ZNF444: variants seen among roughly 807,000 people sequenced by gnomAD.
ZNF444 encodes the protein endothelial zinc finger protein 2.
Under a neutral mutation model 14.4 loss-of-function variants are expected in ZNF444, and 8 were observed. The ratio of observed to expected loss-of-function variants is 0.56; its 90% CI spans 0.33 to 1.00. The LOEUF (loss-of-function observed/expected upper bound fraction) is 1.00, where lower values mean the gene tolerates loss of function less well. Ranked by LOEUF, ZNF444 falls within the 50% of genes least tolerant of loss-of-function variation. ZNF444 has a pLI of 0.03. For synonymous variants in ZNF444, 258 were observed against 235.9 expected (o/e 1.09, Z -0.86); for missense variants, 510 against 504.8 (o/e 1.01, Z -0.10).
chr19:56,133,166 GACCTC>G (rs1306719351), intron 1 of ZNF444, among the ~76,000 whole-genome samples: 2 of 151,690 alleles, frequency 1.3e-5, no homozygotes, highest in African/African-American at 4.8e-5. Flanking sequence ...TCAAACTCCT[GACCTC>G]AGGTGATCCA....
intron 1 of ZNF444, chr19:56,143,438 T>C (rs756211675): frequency 2.0e-5 from 3 of 152,244 alleles, no homozygotes; most frequent in Non-Finnish European, 4.4e-5. Flanking sequence ...TTTTGAGACT[T>C]GGATCTGGCC....
upstream of ZNF444, among the ~76,000 whole-genome samples, chr19:56,140,551 G>A (rs1784111366): frequency 1.3e-5 from 2 of 152,148 alleles, no homozygotes; most frequent in South Asian, 4.1e-4. Context: ...CACACAGGAA[G>A]AGCCAAACCG....
At chr19:56,152,032 C>A (rs1465428987) in intron 3 of ZNF444, among the ~76,000 whole-genome samples, 1 of 151,974 alleles carries the variant, frequency 6.6e-6, no homozygotes, top group Non-Finnish European at 1.5e-5. Context: ...CACCTGGAAA[C>A]TTTTAAAAAA....
chr19:56,150,750 G>A (rs927853447), intron 3 of ZNF444, among the ~76,000 whole-genome samples: 46 of 151,908 alleles, frequency 3.0e-4, no homozygotes, highest in Middle Eastern at 3.2e-3. Flanking sequence ...GGGCGCTGCT[G>A]TGGATTGGGG....
At chr19:56,152,268 A>T (rs529260171) in intron 3 of ZNF444, among the ~76,000 whole-genome samples, 1 of 150,506 alleles carries the variant, frequency 6.6e-6, no homozygotes, top group Admixed American at 6.7e-5. Flanking sequence ...GGAGCTGGAG[A>T]TTGCAGTGAA....
chr19:56,134,070 T>C (rs2123450472), intron 1 of ZNF444, among the ~76,000 whole-genome samples: 1 of 152,088 alleles, frequency 6.6e-6, no homozygotes, highest in South Asian at 2.1e-4. Context: ...GTTCTTCCCC[T>C]TTCTGCTGGT....
chr19:56,160,218 G>T lies in ZNF444; in HGVS notation c.*17G>T, dbSNP rs538483363. 2 of 1,419,140 alleles carry T rather than the reference G, an allele frequency of 1.4e-6. No individual in the cohort carries two copies. Among genetic ancestry groups the T allele is most frequent in the African/African-American group, 1.5e-5 (1 of 66,148 alleles). The allele number at this position is 1,419,140 out of a possible 1,614,324, so 87.9% of individuals were successfully genotyped here. The stretch of plus-strand genomic sequence containing the variant: ...TTGGGTTAGCCGCCTCCCGGCCAGC[G>T]CCATCTCCCGCCCTTGGTGCTGCCC... On this transcript the variant is annotated 3_prime_UTR_variant, in exon 5 of 5. Coordinates refer to ENST00000337080, the MANE Select transcript of ZNF444 (RefSeq NM_018337.4).
chr19:56,132,946 T>TTTTTTC (rs1276546112), intron 1 of ZNF444, among the ~76,000 whole-genome samples: 5 of 130,208 alleles, frequency 3.8e-5, no homozygotes, highest in African/African-American at 1.4e-4. Context: ...TTTTTTTTTT[T>TTTTTTC]TTTTTTTTTG....
chr19:56,135,589 C>T (rs1044666642), intron 1 of ZNF444, among the ~76,000 whole-genome samples: 4 of 152,096 alleles, frequency 2.6e-5, no homozygotes, highest in African/African-American at 9.7e-5. Context: ...GAAGTGTCAC[C>T]TGCAGACAGG....
Position 56,158,509 on chromosome 19 carries a change from C to A in ZNF444, c.313C>A (p.Pro105Thr). ...CTCATTTCAGGGGCCAGCAGCCTCC[C>A]CCGATGGGTCGTCAGCAACGAGGGT... ...LEELWGPAASPDGSSATRVPQ... is the reference protein window; with the variant it reads ...LEELWGPAASTDGSSATRVPQ... Residue 105 changes from proline to threonine, a missense_variant, in exon 4 of 5, where the codon CCC (proline) becomes ACC (threonine). Transcript: ENST00000337080. 1 of 1,610,272 alleles carries A rather than the reference C, an allele frequency of 6.2e-7. No individual in the cohort carries two copies. Among genetic ancestry groups the A allele is most frequent in the Admixed American group, 1.7e-5 (1 of 59,522 alleles).
At chr19:56,158,332 A>T in intron 3 of ZNF444, 162 bp from the exon 4 acceptor site, 1 of 624,596 alleles carries the variant, frequency 1.6e-6, no homozygotes, top group Non-Finnish European at 2.6e-6. Context: ...TTGGTTCCTC[A>T]CCTGGGGGCC....
In ZNF444 at chr19:56,147,306, C is replaced by G; in HGVS notation, c.297+98C>G. ...AGGAGCACCACTGAACCCCTGAAAACCAGTGTGACTCGCGGTGGGGAGGCT... is the reference window on the plus strand; with the variant it reads ...AGGAGCACCACTGAACCCCTGAAAAGCAGTGTGACTCGCGGTGGGGAGGCT... On this transcript the variant is annotated intron_variant, in intron 3 of 4. Coordinates refer to ENST00000337080, the MANE Select transcript of ZNF444 (RefSeq NM_018337.4). The surrounding 1 kb of genome is among the most constrained non-coding windows in gnomAD (Gnocchi z 5.9). 4 of 1,315,882 alleles carry G rather than the reference C, an allele frequency of 3.0e-6. No homozygotes were observed. The highest frequency in any genetic ancestry group is 1.6e-5 in the African/African-American group (1 of 64,240). 81.5% of individuals were successfully genotyped at this position (1,315,882 alleles called of 1,614,324 possible). A position where few individuals can be genotyped will look rare whatever the true frequency, so the allele number is the denominator to read the frequency against.
chr19:56,132,955 T>TTTTTTG (rs2030520201), intron 1 of ZNF444, among the ~76,000 whole-genome samples: 1 of 145,124 alleles, frequency 6.9e-6, no homozygotes, highest in African/African-American at 2.5e-5. Flanking sequence ...TTTTTTTTTT[T>TTTTTTG]GAGACAGAGT....
At chr19:56,154,120 T>C (rs573890782) in intron 3 of ZNF444, among the ~76,000 whole-genome samples, 1 of 152,228 alleles carries the variant, frequency 6.6e-6, no homozygotes, top group African/African-American at 2.4e-5. Context: ...CTAGATGAAA[T>C]GGACAGTTTT....
At position 56,159,781 on chromosome 19, in the gene ZNF444, C is replaced by T. The variant is rs1045522018; in HGVS notation, c.564C>T (p.Ser188=). 1 of 1,594,824 alleles carries T rather than the reference C, an allele frequency of 6.3e-7. No homozygotes were observed. The highest frequency in any genetic ancestry group is 1.3e-5 in the African/African-American group (1 of 74,756). Residue 188 remains serine, a synonymous_variant, in exon 5 of 5, where the codon TCC becomes TCT. Transcript: ENST00000337080. ...TTSCPECGKT[S]LKPAHLLRHR... ...CCTGCCCCGAGTGCGGCAAAACGTC[C>T]CTGAAACCAGCTCACCTGCTGCGCC...
intron 3 of ZNF444, chr19:56,156,571 A>C (rs190743882): frequency 1.3e-5 from 2 of 152,180 alleles, no homozygotes; most frequent in African/African-American, 4.8e-5. Flanking sequence ...AGATTTAAGG[A>C]TATTTTTAGT....
chr19:56,142,091 C>A (rs1429098438), intron 1 of ZNF444, among the ~76,000 whole-genome samples: 1 of 152,178 alleles, frequency 6.6e-6, no homozygotes, highest in Non-Finnish European at 1.5e-5. Flanking sequence ...AGTCACCCTC[C>A]TCTATATCCG....
At chr19:56,139,379 T>C (rs1440484471), upstream of ZNF444, among the ~76,000 whole-genome samples, 3 of 152,012 alleles carry the variant, frequency 2.0e-5, no homozygotes, top group African/African-American at 4.8e-5. Flanking sequence ...ATAGATTGCA[T>C]GTGGATGGTG....
chr19:56,159,505 C>A (rs2032133068), intron 4 of ZNF444, 119 bp from the exon 5 acceptor site: 2 of 898,118 alleles, frequency 2.2e-6, no homozygotes, highest in East Asian at 5.9e-5. Flanking sequence ...CAGCCCAGCC[C>A]TCTTCCCACC....
Sources: allele counts gnomAD v4.1 joint callset (sites outside exome capture counted in the v4.1 genomes callset), GRCh38; gene constraint gnomAD v4.1.1; non-coding constraint Gnocchi (gnomAD v3.1); transcripts MANE v1.5; gene names NCBI Gene and HGNC (gene_info 2026-07-23, HGNC 2026-07-21).